Variants in PDE11A observed in about 807,000 individuals in gnomAD.
PDE11A encodes dual 3',5'-cyclic-AMP and -GMP phosphodiesterase 11A.
In PDE11A, 100 loss-of-function variants were observed where a neutral mutation model predicts 100.5. That is an observed-to-expected ratio of 1.00 (90% CI 0.85 to 1.18). The LOEUF is 1.18. PDE11A is among the 50% of genes most tolerant of loss of function. The pLI is 0.00. For missense variants in PDE11A, 1,141 were observed against 1,152.6 expected (o/e 0.99, Z 0.15); for synonymous variants, 381 against 420.8 (o/e 0.91, Z 1.16).
At chr2:178,000,123 T>C (rs1465446637) in intron 2 of PDE11A, among the ~76,000 whole-genome samples, 1 of 152,098 alleles carries the variant, frequency 6.6e-6, no homozygotes, top group East Asian at 1.9e-4. Flanking sequence ...TACAATCATA[T>C]CTAGCCAGGA....
At chr2:177,931,174 A>AAAAC (rs143043862) in intron 2 of PDE11A, among the ~76,000 whole-genome samples, 2 of 151,588 alleles carry the variant, frequency 1.3e-5, no homozygotes, top group Non-Finnish European at 2.9e-5. Context: ...AAAACAAAAC[A>AAAAC]AAACAAACAA....
chr2:177,716,054 G>A (rs2081432634), intron 12 of PDE11A, among the ~76,000 whole-genome samples: 2 of 152,234 alleles, frequency 1.3e-5, no homozygotes, highest in African/African-American at 4.8e-5. Flanking sequence ...AAACACGTGT[G>A]TTGGCATCCT....
Position 177,675,445 on chromosome 2 carries a change from C to T in PDE11A, c.2487+10G>A. 1 of 1,605,884 alleles carries T rather than the reference C, an allele frequency of 6.2e-7. No homozygotes were observed. Among genetic ancestry groups the T allele is most frequent in the South Asian group, 1.1e-5 (1 of 90,906 alleles). The stretch of plus-strand genomic sequence containing the variant: ...TCCTCTGCTGAGCCCTGCCATTAAT[C>T]ACCACTTGCCTGTCTGGAGATCTCC... On this transcript the variant is annotated intron_variant, in intron 17 of 19. Transcript: ENST00000286063.
intron 5 of PDE11A, among the ~76,000 whole-genome samples, chr2:177,867,264 C>T (rs2084045747): frequency 6.6e-6 from 1 of 152,036 alleles, no homozygotes; most frequent in African/African-American, 2.4e-5. Context: ...TTTCTGATTC[C>T]CAAAAGCTTC....
chr2:177,733,338 T>C (rs1478333660), intron 10 of PDE11A, among the ~76,000 whole-genome samples: 2 of 152,222 alleles, frequency 1.3e-5, no homozygotes, highest in Non-Finnish European at 2.9e-5. Context: ...GTCCTGGAGC[T>C]AATTTGAATA....
rs1291174108 is a variant in PDE11A, at chr2:178,034,915, G to C, written c.913-20455C>G. 2.0e-5 allele frequency among the ~76,000 whole-genome samples: 3 copies of C among 152,168 alleles called. No homozygotes were observed. In the East Asian group the frequency reaches 5.8e-4, roughly 29 times the overall value. On this transcript the variant is annotated intron_variant, in intron 1 of 19. Coordinates refer to ENST00000286063, the MANE Select transcript of PDE11A (RefSeq NM_016953.4). ...TTTATAGCACTAAATGCCCACAACA[G>C]AAAGTTGGAAAGATCTAAAATCGGC...
intron 1 of PDE11A, among the ~76,000 whole-genome samples, chr2:178,024,312 C>T (rs181829372): frequency 2.6e-5 from 4 of 151,806 alleles, no homozygotes; most frequent in African/African-American, 7.3e-5. Flanking sequence ...CTCGGGAGGC[C>T]GAGGCAGGAG....
intron 13 of PDE11A, among the ~76,000 whole-genome samples, chr2:177,710,364 G>A (rs1274263547): frequency 2.0e-5 from 3 of 151,996 alleles, no homozygotes; most frequent in Admixed American, 6.6e-5. Context: ...AGTGGTGCGG[G>A]GGAGGCGGGG....
intron 11 of PDE11A, 59 bp downstream of exon 11, chr2:177,727,967 G>T: frequency 6.8e-7 from 1 of 1,462,132 alleles, no homozygotes; most frequent in Non-Finnish European, 9.6e-7. Context: ...CAGTGGTTCA[G>T]AGTGGCTAAC....
intron 1 of PDE11A, among the ~76,000 whole-genome samples, chr2:178,063,168 T>C (rs976134956): frequency 6.6e-6 from 1 of 152,236 alleles, no homozygotes; most frequent in African/African-American, 2.4e-5. Flanking sequence ...AAAATAGGCA[T>C]GTTGATCAAT....
At chr2:178,032,345 G>A (rs1040550238) in intron 1 of PDE11A, among the ~76,000 whole-genome samples, 9 of 152,068 alleles carry the variant, frequency 5.9e-5, no homozygotes, top group African/African-American at 1.7e-4. Flanking sequence ...TGGGCTGGGC[G>A]TGGTGGCACA....
intron 9 of PDE11A, among the ~76,000 whole-genome samples, chr2:177,813,500 G>C (rs2082983177): frequency 6.6e-6 from 1 of 152,096 alleles, no homozygotes; most frequent in African/African-American, 2.4e-5. Context: ...AGTGAGCTCT[G>C]AGTGTTTTAG....
intron 2 of PDE11A, among the ~76,000 whole-genome samples, chr2:177,909,761 A>G (rs753758847): frequency 2.0e-5 from 3 of 150,644 alleles, no homozygotes. Context: ...CCTTTAGAGT[A>G]TCTTTTAGCA....
intron 10 of PDE11A, among the ~76,000 whole-genome samples, chr2:177,759,030 A>T (rs2082135024): frequency 6.6e-6 from 1 of 152,192 alleles, no homozygotes; most frequent in Non-Finnish European, 1.5e-5. Flanking sequence ...CCAGTGGCCA[A>T]AGTGCTTCAT....
At chr2:177,718,143 T>C (rs750738619) in intron 12 of PDE11A, among the ~76,000 whole-genome samples, 13 of 152,258 alleles carry the variant, frequency 8.5e-5, no homozygotes, top group Non-Finnish European at 1.3e-4. Flanking sequence ...TAGTGCTTAG[T>C]ATATGCCGGG....
At chr2:178,034,732 G>A (rs1030297053) in intron 1 of PDE11A, among the ~76,000 whole-genome samples, 6 of 152,036 alleles carry the variant, frequency 3.9e-5, no homozygotes, top group South Asian at 2.1e-4. Context: ...ACTAAAAACC[G>A]CACAACTACA....
intron 6 of PDE11A, among the ~76,000 whole-genome samples, chr2:177,830,196 G>T (rs1574188309): frequency 6.6e-6 from 1 of 152,208 alleles, no homozygotes. Context: ...AGATCCAAAT[G>T]AGAATTCCAC....
At chr2:177,767,097 T>C (rs1041634409) in intron 10 of PDE11A, among the ~76,000 whole-genome samples, 1 of 152,130 alleles carries the variant, frequency 6.6e-6, no homozygotes, top group Admixed American at 6.5e-5. Context: ...TTCGGGAGGC[T>C]GAGGCAGGCA....
intron 9 of PDE11A, among the ~76,000 whole-genome samples, chr2:177,784,474 C>T (rs900370185): frequency 1.2e-4 from 19 of 152,130 alleles, no homozygotes; most frequent in Non-Finnish European, 2.2e-4. Context: ...TCCCAGAAAA[C>T]TCATGAATAA....
Sources: allele counts gnomAD v4.1 joint callset (sites outside exome capture counted in the v4.1 genomes callset), GRCh38; gene constraint gnomAD v4.1.1; transcripts MANE v1.5; gene names NCBI Gene and HGNC (gene_info 2026-07-23, HGNC 2026-07-21).